FBN1: variants seen among roughly 807,000 people sequenced by gnomAD.
FBN1 encodes fibrillin-1.
Under a neutral mutation model 365.1 loss-of-function variants are expected in FBN1, and 29 were observed. The ratio of observed to expected loss-of-function variants is 0.08; its 90% CI spans 0.06 to 0.11. FBN1 has a LOEUF of 0.11. Ranked by LOEUF, FBN1 falls within the 10% of genes least tolerant of loss-of-function variation. The pLI, the probability that FBN1 is intolerant of heterozygous loss-of-function variation, is 1.00. For synonymous variants in FBN1, 1,210 were observed against 1,270.5 expected, an observed-to-expected ratio of 0.95 and a Z score of 1.01; for missense variants, 2,476 against 3,703.2, an observed-to-expected ratio of 0.67 and a Z score of 8.60.
chr15:48,414,066 T>G (rs2042883809), intron 64 of FBN1, among the ~76,000 whole-genome samples: 2 of 152,232 alleles, frequency 1.3e-5, no homozygotes, highest in Non-Finnish European at 2.9e-5. Flanking sequence ...TTTGGTTCCT[T>G]TCTCAGAACT....
intron 56 of FBN1, among the ~76,000 whole-genome samples, chr15:48,429,257 C>T (rs1266727014): frequency 6.6e-6 from 1 of 152,032 alleles, no homozygotes; most frequent in Admixed American, 6.5e-5. Context: ...CTGTAATGGT[C>T]AATATTGATC....
intron 50 of FBN1, among the ~76,000 whole-genome samples, chr15:48,440,003 G>C (rs1024356637): frequency 1.3e-5 from 2 of 152,146 alleles, no homozygotes; most frequent in Non-Finnish European, 2.9e-5. Context: ...CATCTTACAA[G>C]AAAAACCCAG....
intron 19 of FBN1, 115 bp from the exon 20 acceptor site, chr15:48,496,340 A>C: frequency 7.7e-7 from 1 of 1,293,318 alleles, no homozygotes; most frequent in Non-Finnish European, 1.1e-6. Context: ...TCAAGCAAAA[A>C]GGCAAAACTC....
chr15:48,621,759 C>T (rs1436881454), intron 2 of FBN1, among the ~76,000 whole-genome samples: 1 of 151,576 alleles, frequency 6.6e-6, no homozygotes, highest in East Asian at 1.9e-4. Context: ...GAGGCTGAGG[C>T]AGGCGGATCA....
At chr15:48,466,621 G>T (rs1391070423) in intron 38 of FBN1, among the ~76,000 whole-genome samples, 1 of 152,080 alleles carries the variant, frequency 6.6e-6, no homozygotes, top group Non-Finnish European at 1.5e-5. Flanking sequence ...GCTAATCCCT[G>T]TCCTGGCTCC....
chr15:48,413,827 C>T (rs1032696035), intron 64 of FBN1, among the ~76,000 whole-genome samples: 1 of 152,158 alleles, frequency 6.6e-6, no homozygotes, highest in Non-Finnish European at 1.5e-5. Context: ...AATATGTTGC[C>T]AATGAACAGA....
In FBN1 at chr15:48,430,683, C is replaced by G. The variant is rs551736585; in HGVS notation, c.6859G>C (p.Glu2287Gln). 10 of 1,613,830 alleles carry G rather than the reference C, an allele frequency of 6.2e-6. 1 individual carries two copies. The East Asian group carries it at 2.2e-4, about 36-fold the overall frequency. ...GGGATCCTCTTACCTACACAGCCTT[C>G]TCCATCAGGTCTCCGCTGATACCCG... is the stretch of plus-strand genomic sequence containing the variant. ...GPGYQRRPDG[E>Q]GCVDENECQT... Residue 2287 changes from glutamate (E) to glutamine (Q), a missense_variant, in exon 56 of 66, where the codon GAA (glutamate) becomes CAA (glutamine). This residue lies in a region of FBN1 where 1,780 missense variants were observed against 2,840.8 expected (regional missense o/e 0.63). Coordinates refer to ENST00000316623, the MANE Select transcript of FBN1 (RefSeq NM_000138.5).
intron 32 of FBN1, among the ~76,000 whole-genome samples, chr15:48,480,195 C>T (rs542287502): frequency 6.6e-6 from 1 of 152,252 alleles, no homozygotes; most frequent in South Asian, 2.1e-4. Context: ...ATGAGATTAA[C>T]TTCTTTCATA....
intron 15 of FBN1, among the ~76,000 whole-genome samples, chr15:48,505,962 C>T (rs966703956): frequency 1.3e-5 from 2 of 152,242 alleles, no homozygotes; most frequent in African/African-American, 4.8e-5. Context: ...GTGGCTCACA[C>T]TTGTGATCCC....
At chr15:48,420,124 ACAT>A (rs1178020923) in intron 63 of FBN1, among the ~76,000 whole-genome samples, 4 of 152,106 alleles carry the variant, frequency 2.6e-5, no homozygotes. Flanking sequence ...ATCAAAGATG[ACAT>A]CATTTCAATT....
At chr15:48,579,415 A>G (rs1451816652) in intron 6 of FBN1, among the ~76,000 whole-genome samples, 2 of 152,090 alleles carry the variant, frequency 1.3e-5, no homozygotes, top group African/African-American at 4.8e-5. Context: ...TTCTTCTTAT[A>G]TTACAATTTC....
At chr15:48,551,138 A>G (rs2141373223) in intron 6 of FBN1, among the ~76,000 whole-genome samples, 1 of 152,328 alleles carries the variant, frequency 6.6e-6, no homozygotes, top group South Asian at 2.1e-4. Context: ...CTGATTATCA[A>G]TGTGGCAGTG....
Position 48,410,554 on chromosome 15 carries a change from T to C in FBN1, c.*436A>G, listed in dbSNP as rs2042852148. On this transcript the variant is annotated 3_prime_UTR_variant, in exon 66 of 66. Coordinates refer to ENST00000316623, the MANE Select transcript of FBN1 (RefSeq NM_000138.5). ...TATTACAGTGCATTTATAAATCTAG[T>C]TTGAAAATTTACTAGCACCAAATAG... 5.6e-6 allele frequency: 1 copy of C among 177,590 alleles called. No individual in the cohort carries two copies. The highest frequency in any genetic ancestry group is 5.6e-5 in the Admixed American group (1 of 17,940). 11.0% of individuals were successfully genotyped at this position (177,590 alleles called of 1,614,324 possible).
At chr15:48,422,964 A>G (rs2042954601) in intron 60 of FBN1, among the ~76,000 whole-genome samples, 1 of 148,890 alleles carries the variant, frequency 6.7e-6, no homozygotes, top group Admixed American at 6.6e-5. Context: ...AACAAAAAAC[A>G]AAAAAAACAA....
At chr15:48,618,612 G>C (rs539732074) in intron 2 of FBN1, among the ~76,000 whole-genome samples, 4 of 152,162 alleles carry the variant, frequency 2.6e-5, no homozygotes, top group Non-Finnish European at 5.9e-5. Flanking sequence ...GCTTCAGCTT[G>C]ACTCTCTAGA....
At chr15:48,644,255 T>C (rs1330671133) in intron 2 of FBN1, 2 of 284,362 alleles carry the variant, frequency 7.0e-6, no homozygotes, top group Admixed American at 4.4e-5. Flanking sequence ...TACTTTCCTC[T>C]AGAAACAACC....
intron 11 of FBN1, 64 bp from the exon 12 acceptor site, chr15:48,515,591 C>T (rs1019459704): frequency 6.3e-7 from 1 of 1,588,904 alleles, no homozygotes; most frequent in African/African-American, 1.3e-5. Context: ...AGTACTTAAT[C>T]TGACAATAAT....
chr15:48,528,132 C>A (rs965625772), intron 8 of FBN1, among the ~76,000 whole-genome samples: 2 of 152,206 alleles, frequency 1.3e-5, no homozygotes, highest in Non-Finnish European at 2.9e-5. Flanking sequence ...CATGAGGAGA[C>A]AATGTGGTAT....
Position 48,448,868 on chromosome 15 carries a change from G to C in FBN1, c.5571C>G (p.Pro1857=). The C allele has an allele frequency of 6.2e-7, 1 of 1,612,162 alleles. No homozygotes were observed. The highest frequency in any genetic ancestry group is 1.3e-5 in the African/African-American group (1 of 74,996). The part of the protein sequence containing the change: ...CNDRNECQEI[P]NICSHGQCID... ...TGCACTGCCCATGACTGCATATATTGGGGATTTCTTGACATTCATTACGAT... is the reference window on the plus strand; with the variant it reads ...TGCACTGCCCATGACTGCATATATTCGGGATTTCTTGACATTCATTACGAT... Residue 1857 remains proline, a synonymous_variant, in exon 46 of 66, where the codon CCC becomes CCG. Transcript: ENST00000316623.
Sources: allele counts gnomAD v4.1 joint callset (sites outside exome capture counted in the v4.1 genomes callset), GRCh38; gene constraint gnomAD v4.1.1; regional missense constraint gnomAD v4.1.1; transcripts MANE v1.5; gene names NCBI Gene and HGNC (gene_info 2026-07-23, HGNC 2026-07-21).